GRB2: variants seen among roughly 807,000 people sequenced by gnomAD.
GRB2 encodes the protein growth factor receptor bound protein 2.
In GRB2, 2 loss-of-function variants were observed where a neutral mutation model predicts 27.4. The observed-to-expected ratio is 0.07, with a 90% confidence interval of 0.03 to 0.23. The LOEUF is 0.23. Ranked by LOEUF, GRB2 falls within the 10% of genes least tolerant of loss-of-function variation. The pLI is 1.00. For synonymous variants in GRB2, 94 were observed against 99.6 expected (o/e 0.94, Z 0.33); for missense variants, 102 against 282.4 (o/e 0.36, Z 4.58).
chr17:75,398,643 TATA>T (rs2079043966), intron 1 of GRB2, among the ~76,000 whole-genome samples: 1 of 152,200 alleles, frequency 6.6e-6, no homozygotes, highest in African/African-American at 2.4e-5. Flanking sequence ...GGTGTTACAT[TATA>T]ATAATAAAAT....
At chr17:75,357,962 G>A (rs1247953860) in intron 2 of GRB2, among the ~76,000 whole-genome samples, 1 of 152,180 alleles carries the variant, frequency 6.6e-6, no homozygotes, top group Non-Finnish European at 1.5e-5. Flanking sequence ...GCTGGGCGTG[G>A]TGGCGCGTGC....
At chr17:75,330,934 G>A (rs537623004) in intron 3 of GRB2, among the ~76,000 whole-genome samples, 1 of 152,066 alleles carries the variant, frequency 6.6e-6, no homozygotes, top group Admixed American at 6.6e-5. Context: ...TTGTTAACTT[G>A]AATGCTGCAT....
chr17:75,341,694 G>A (rs1180690128), intron 2 of GRB2, among the ~76,000 whole-genome samples: 2 of 152,052 alleles, frequency 1.3e-5, no homozygotes, highest in Non-Finnish European at 2.9e-5. Context: ...GCCTATGAAG[G>A]AAGGAGTTGT....
At chr17:75,354,058 A>G (rs557213618) in intron 2 of GRB2, among the ~76,000 whole-genome samples, 14 of 151,698 alleles carry the variant, frequency 9.2e-5, no homozygotes, top group African/African-American at 3.1e-4. Context: ...AACAAAAACG[A>G]AAGGGTGCGT....
In GRB2 at chr17:75,369,195, A is replaced by G. The variant is rs140589113; in HGVS notation, c.78+24356T>C. 2.6e-5 allele frequency among the ~76,000 whole-genome samples: 4 copies of G among 152,350 alleles called. No homozygotes were observed. The South Asian group carries it at 8.3e-4, about 32-fold the overall frequency. On this transcript the variant is annotated intron_variant, in intron 2 of 5. Transcript: ENST00000316804. Reference sequence around the variant, plus strand: ...CATCCTTCTAAAACACAGCTTTGGTATATAAAAAGAACATCTTAGAAATTT... The same window carrying G: ...CATCCTTCTAAAACACAGCTTTGGTGTATAAAAAGAACATCTTAGAAATTT...
rs2078429955 is a variant in GRB2 at position 75,318,290 on chromosome 17, T to C, written c.*2078A>G. 6.6e-6 allele frequency: 1 copy of C among 152,142 alleles called. No individual in the cohort carries two copies. The allele number at this position is 152,142 out of a possible 1,614,324, so 9.4% of individuals were successfully genotyped here. ...TCCAGGTGTAGAATGCCAGATTCCT[T>C]TTATCATCTGCGAGGAAAAGAGAAG... On this transcript the variant is annotated 3_prime_UTR_variant, in exon 6 of 6. Transcript: ENST00000316804.
chr17:75,364,811 C>T (rs944763186), intron 2 of GRB2, among the ~76,000 whole-genome samples: 1 of 151,584 alleles, frequency 6.6e-6, no homozygotes, highest in African/African-American at 2.4e-5. Context: ...ATCTAGTACC[C>T]AATCTAATCT....
intron 1 of GRB2, among the ~76,000 whole-genome samples, chr17:75,396,994 G>A (rs1276802930): frequency 6.6e-6 from 1 of 152,196 alleles, no homozygotes; most frequent in African/African-American, 2.4e-5. Flanking sequence ...AACCAAGACA[G>A]TTCTCAATAC....
At chr17:75,376,771 GT>G (rs2145859554) in intron 2 of GRB2, among the ~76,000 whole-genome samples, 1 of 152,264 alleles carries the variant, frequency 6.6e-6, no homozygotes, top group African/African-American at 2.4e-5. Flanking sequence ...GGAGGCCAAG[GT>G]GAGAGGATCC....
chr17:75,366,499 C>CAAAAAA (rs2078820392), intron 2 of GRB2, among the ~76,000 whole-genome samples: 1 of 40,882 alleles, frequency 2.4e-5, no homozygotes, highest in Admixed American at 3.4e-4. Context: ...AGATCAGCTT[C>CAAAAAA]CAAAAAAAAA....
intron 3 of GRB2, among the ~76,000 whole-genome samples, chr17:75,331,033 A>C (rs937897505): frequency 7.4e-5 from 11 of 149,576 alleles, no homozygotes; most frequent in African/African-American, 1.8e-4. Context: ...AACAAACAAA[A>C]AAACAGGAGG....
At chr17:75,329,242 C>G (rs2078522870) in intron 3 of GRB2, among the ~76,000 whole-genome samples, 1 of 152,100 alleles carries the variant, frequency 6.6e-6, no homozygotes, top group Admixed American at 6.6e-5. Flanking sequence ...CCCAAGATCT[C>G]TCCACTAGGG....
At chr17:75,401,734 A>G (rs2079065169) in intron 1 of GRB2, among the ~76,000 whole-genome samples, 1 of 152,258 alleles carries the variant, frequency 6.6e-6, no homozygotes, top group African/African-American at 2.4e-5. Flanking sequence ...GGGAATAATA[A>G]CAGCCAACTA....
At chr17:75,385,919 T>A (rs973052143) in intron 2 of GRB2, among the ~76,000 whole-genome samples, 1 of 152,138 alleles carries the variant, frequency 6.6e-6, no homozygotes, top group African/African-American at 2.4e-5. Context: ...CCCCACTAAT[T>A]GGTTTTGCTT....
intron 1 of GRB2, among the ~76,000 whole-genome samples, chr17:75,397,147 G>T (rs2079033594): frequency 6.6e-6 from 1 of 152,030 alleles, no homozygotes. Flanking sequence ...GCTGTGCTGA[G>T]TAAAAAAACA....
intron 2 of GRB2, among the ~76,000 whole-genome samples, chr17:75,350,882 A>T (rs1314094939): frequency 6.6e-6 from 1 of 152,196 alleles, no homozygotes; most frequent in African/African-American, 2.4e-5. Context: ...AATGAGAGCA[A>T]GAAACATTCC....
chr17:75,376,912 A>G (rs1464681996), intron 2 of GRB2, among the ~76,000 whole-genome samples: 5 of 151,950 alleles, frequency 3.3e-5, no homozygotes, highest in Non-Finnish European at 7.4e-5. Context: ...TCCAGAGACT[A>G]GGGTGGGAGG....
At chr17:75,383,807 A>G (rs914535060) in intron 2 of GRB2, among the ~76,000 whole-genome samples, 2 of 152,166 alleles carry the variant, frequency 1.3e-5, no homozygotes, top group Non-Finnish European at 2.9e-5. Flanking sequence ...GCACCACTAC[A>G]CTACACTGCA....
chr17:75,352,712 G>T (rs1402749877), intron 2 of GRB2, among the ~76,000 whole-genome samples: 1 of 152,112 alleles, frequency 6.6e-6, no homozygotes, highest in East Asian at 1.9e-4. Context: ...TCCCCTCTAT[G>T]CAGTAAAAGT....
Sources: gnomAD v4.1 joint callset for allele counts (sites outside exome capture counted in the v4.1 genomes callset) on GRCh38, gnomAD v4.1.1 for gene constraint, MANE v1.5 for transcripts, NCBI Gene and HGNC (gene_info 2026-07-23, HGNC 2026-07-21) for gene names.